AGBL4: variants seen among roughly 807,000 people sequenced by gnomAD.
AGBL4 encodes AGBL carboxypeptidase 4, also known as cytosolic carboxypeptidase 6.
In AGBL4, 58 loss-of-function variants were observed where a neutral mutation model predicts 66.4. That is an observed-to-expected ratio of 0.87 (90% CI 0.71 to 1.09). The LOEUF is 1.09. AGBL4 is among the 50% of genes least tolerant of loss of function. The probability of loss-of-function intolerance (pLI) is 0.00; values close to 1 mark genes in which losing one functional copy is unlikely to be tolerated. For synonymous variants in AGBL4, 234 were observed against 222.9 expected (o/e 1.05, Z -0.44); for missense variants, 579 against 631.0 (o/e 0.92, Z 0.88).
Position 48,561,624 on chromosome 1 carries a change from T to C in AGBL4, c.1268-21886A>G, listed in dbSNP as rs545135196. Among the ~76,000 whole-genome samples the C allele has an allele frequency of 7.2e-5, 11 of 152,304 alleles. No individual in the cohort carries two copies. In the South Asian group the frequency reaches 2.3e-3, roughly 32 times the overall value. On this transcript the variant is annotated intron_variant, in intron 11 of 13. Coordinates refer to ENST00000371839, the MANE Select transcript of AGBL4 (RefSeq NM_032785.4). ...GTAGACTTAGTCAAGGAGATTGCCCTCCCTGATATGGGTGGGCCTCATCCA... is the reference window on the plus strand; with the variant it reads ...GTAGACTTAGTCAAGGAGATTGCCCCCCCTGATATGGGTGGGCCTCATCCA...
At chr1:48,801,128 C>T (rs1376247330) in intron 6 of AGBL4, among the ~76,000 whole-genome samples, 1 of 152,180 alleles carries the variant, frequency 6.6e-6, no homozygotes, top group Non-Finnish European at 1.5e-5. Flanking sequence ...CTTCACCCAG[C>T]TCCCACACAG....
intron 1 of AGBL4, among the ~76,000 whole-genome samples, chr1:49,987,041 C>T (rs1659554651): frequency 1.3e-5 from 2 of 151,982 alleles, no homozygotes; most frequent in Non-Finnish European, 2.9e-5. Context: ...TAGGAAACCA[C>T]TTCCCTGCTG....
chr1:48,761,629 G>A (rs1644260471), intron 6 of AGBL4, among the ~76,000 whole-genome samples: 1 of 152,176 alleles, frequency 6.6e-6, no homozygotes, highest in Non-Finnish European at 1.5e-5. Flanking sequence ...TTGCATGCAG[G>A]GATCCTAATA....
At chr1:48,837,690 A>G (rs1319235466) in intron 6 of AGBL4, among the ~76,000 whole-genome samples, 5 of 130,940 alleles carry the variant, frequency 3.8e-5, no homozygotes, top group Non-Finnish European at 7.9e-5. Flanking sequence ...ACACACACGC[A>G]CACACACGCA....
At chr1:49,682,141 C>T (rs1260342250) in intron 3 of AGBL4, among the ~76,000 whole-genome samples, 1 of 152,152 alleles carries the variant, frequency 6.6e-6, no homozygotes. Context: ...GGCACGGTGG[C>T]TCATGCCTGT....
intron 3 of AGBL4, among the ~76,000 whole-genome samples, chr1:49,553,556 A>G (rs1271911033): frequency 6.6e-6 from 1 of 152,072 alleles, no homozygotes; most frequent in African/African-American, 2.4e-5. Context: ...TCTTCTTGCC[A>G]CCCTCCAGGA....
chr1:49,763,148 G>A (rs1441495994), intron 2 of AGBL4, among the ~76,000 whole-genome samples: 1 of 152,156 alleles, frequency 6.6e-6, no homozygotes, highest in Non-Finnish European at 1.5e-5. Flanking sequence ...TTCCCAATGT[G>A]TGTTCCTGGC....
chr1:49,245,072 CA>C (rs1651529305), intron 4 of AGBL4, among the ~76,000 whole-genome samples: 1 of 151,500 alleles, frequency 6.6e-6, no homozygotes, highest in Non-Finnish European at 1.5e-5. Context: ...ATTTCCTTTG[CA>C]AAAATGTGGA....
In AGBL4 at chr1:49,860,111, G is replaced by C. The variant is rs74497403; in HGVS notation, c.35-8593C>G. Among the ~76,000 whole-genome samples the C allele has an allele frequency of 2.6e-3, 395 of 152,256 alleles. 5 individuals are homozygous for C. Among genetic ancestry groups the C allele is most frequent in the African/African-American group, 8.9e-3 (371 of 41,564 alleles). ...AACAAACCTTGTGAATGGATTGGAA[G>C]GCTAAATGTCAAAATGTCAATTCTC... On this transcript the variant is annotated intron_variant, in intron 1 of 13. Transcript: ENST00000371839.
At chr1:50,012,982 T>C (rs1421669257) in intron 1 of AGBL4, among the ~76,000 whole-genome samples, 1 of 152,174 alleles carries the variant, frequency 6.6e-6, no homozygotes, top group East Asian at 1.9e-4. Context: ...TTTGTTTCAG[T>C]AGTTAGTTAC....
chr1:48,715,361 T>C (rs1291855901), intron 6 of AGBL4, among the ~76,000 whole-genome samples: 2 of 152,112 alleles, frequency 1.3e-5, no homozygotes, highest in African/African-American at 4.8e-5. Flanking sequence ...GTAACACCCA[T>C]CCCTTCAATC....
downstream of AGBL4, among the ~76,000 whole-genome samples, chr1:48,528,517 G>A (rs1020232066): frequency 6.6e-6 from 1 of 152,022 alleles, no homozygotes; most frequent in Non-Finnish European, 1.5e-5. Flanking sequence ...GCTTAGTGTC[G>A]AGGTCTGGGG....
chr1:49,296,581 T>A (rs750483654), intron 3 of AGBL4, among the ~76,000 whole-genome samples: 2 of 152,216 alleles, frequency 1.3e-5, no homozygotes, highest in Non-Finnish European at 2.9e-5. Flanking sequence ...AGTCTGTGAC[T>A]CTGAGATTTT....
chr1:48,586,610 A>G (rs1557807636), intron 11 of AGBL4: 1 of 208,056 alleles, frequency 4.8e-6, no homozygotes, highest in South Asian at 9.0e-5. Flanking sequence ...TTGTATGTTC[A>G]GGGTTAGAAG....
intron 6 of AGBL4, among the ~76,000 whole-genome samples, chr1:48,820,710 C>A (rs560198311): frequency 1.2e-4 from 18 of 152,152 alleles, no homozygotes; most frequent in Non-Finnish European, 1.3e-4. Context: ...GTTGGCTCTA[C>A]CTAGTTCTCA....
chr1:48,924,991 C>T (rs1033711916), intron 5 of AGBL4, among the ~76,000 whole-genome samples: 11 of 152,198 alleles, frequency 7.2e-5, no homozygotes, highest in East Asian at 3.9e-4. Context: ...AAGTCAGAAA[C>T]GTGTGGCTGA....
chr1:49,040,004 G>C (rs1643899295), intron 5 of AGBL4, among the ~76,000 whole-genome samples: 1 of 152,036 alleles, frequency 6.6e-6, no homozygotes, highest in Admixed American at 6.6e-5. Context: ...CAAATTTAAA[G>C]TTTTTATTCT....
At chr1:49,704,605 A>G (rs942990476) in intron 2 of AGBL4, among the ~76,000 whole-genome samples, 3 of 152,024 alleles carry the variant, frequency 2.0e-5, no homozygotes, top group South Asian at 2.1e-4. Flanking sequence ...TAATTTTTGT[A>G]TAAGGTGTAA....
chr1:48,844,709 G>C (rs776197584), intron 6 of AGBL4, among the ~76,000 whole-genome samples: 1 of 152,204 alleles, frequency 6.6e-6, no homozygotes, highest in Admixed American at 6.5e-5. Flanking sequence ...ATGCTTTCAA[G>C]AAGAGTTGAT....
Sources: gnomAD v4.1 joint callset for allele counts (sites outside exome capture counted in the v4.1 genomes callset) on GRCh38, gnomAD v4.1.1 for gene constraint, MANE v1.5 for transcripts, NCBI Gene and HGNC (gene_info 2026-07-23, HGNC 2026-07-21) for gene names.